FMO4: variants seen among roughly 807,000 people sequenced by gnomAD.
FMO4 encodes dimethylaniline monooxygenase [N-oxide-forming] 4.
In FMO4, 38 loss-of-function variants were observed where a neutral mutation model predicts 43.3. That is an observed-to-expected ratio of 0.88 (90% confidence interval 0.68 to 1.15). The LOEUF (loss-of-function observed/expected upper bound fraction) is 1.15, where lower values mean the gene tolerates loss of function less well. FMO4 is among the 50% of genes most tolerant of loss of function. The probability of loss-of-function intolerance (pLI) is 0.00; values close to 1 mark genes in which losing one functional copy is unlikely to be tolerated. For synonymous variants in FMO4, 224 were observed against 232.2 expected, an observed-to-expected ratio of 0.96 and a Z score of 0.32; for missense variants, 631 against 663.3, an observed-to-expected ratio of 0.95 and a Z score of 0.54.
chr1:171,331,767 T>C lies in FMO4; in HGVS notation c.612T>C (p.Ser204=), dbSNP rs555878454. ...GAGGAGACATTGCTGTGGAACTCAGTCGAACGGCAGCTCAGGTACATCATC... is the reference window on the plus strand; with the variant it reads ...GAGGAGACATTGCTGTGGAACTCAGCCGAACGGCAGCTCAGGTACATCATC... ...NTGGDIAVEL[S]RTAAQVLLST... The change falls in exon 6 of 10, where the codon AGT becomes AGC. Residue 204 remains serine (S), a synonymous_variant. Coordinates refer to ENST00000367749, the MANE Select transcript of FMO4 (RefSeq NM_002022.3). 29 of 1,613,870 alleles carry C rather than the reference T, an allele frequency of 1.8e-5. No homozygotes were observed. In the East Asian group the frequency reaches 2.7e-4, roughly 15 times the overall value.
rs960209641 is a variant in FMO4, at chr1:171,323,212, G to A, written c.321+20G>A. The A allele has an allele frequency of 1.0e-5, 16 of 1,553,180 alleles. No individual in the cohort carries two copies. The African/African-American group carries it at 2.0e-4, about 20-fold the overall frequency. On this transcript the variant is annotated intron_variant, in intron 4 of 9. Coordinates refer to ENST00000367749, the MANE Select transcript of FMO4 (RefSeq NM_002022.3). ...TTTAAGGTAAGATACTTTGGGTTAT[G>A]GAAGATGAATAGATGGGGGCTGGCC... is the stretch of plus-strand genomic sequence containing the variant.
intron 4 of FMO4, among the ~76,000 whole-genome samples, chr1:171,323,444 A>T (rs989951927): frequency 1.3e-5 from 2 of 152,146 alleles, no homozygotes; most frequent in African/African-American, 4.8e-5. Flanking sequence ...CAGGCAGATC[A>T]CTTGAGGTCA....
chr1:171,315,505 G>A (rs1225848230), intron 1 of FMO4, among the ~76,000 whole-genome samples: 4 of 151,760 alleles, frequency 2.6e-5, no homozygotes, highest in African/African-American at 9.7e-5. Context: ...AGGAAACAAA[G>A]AGAAAGCCAC....
chr1:171,318,980 G>C (rs995028359), intron 2 of FMO4, among the ~76,000 whole-genome samples: 1 of 152,186 alleles, frequency 6.6e-6, no homozygotes, highest in Admixed American at 6.5e-5. Context: ...GTAGGATCTA[G>C]AGGTGTCATA....
intron 7 of FMO4, 94 bp from the exon 8 acceptor site, chr1:171,334,316 TG>T: frequency 1.4e-6 from 1 of 709,828 alleles, no homozygotes; most frequent in Non-Finnish European, 2.3e-6. Context: ...TTCCTTAGCT[TG>T]GCAGGTAATT....
At position 171,332,748 on chromosome 1, in the gene FMO4, C is replaced by T. The variant is rs147680748; in HGVS notation, c.667C>T (p.Arg223Cys). 1.1e-5 allele frequency: 17 copies of T among 1,610,272 alleles called. No individual in the cohort carries two copies. Among genetic ancestry groups the T allele is most frequent in the South Asian group, 3.3e-5 (3 of 91,004 alleles). The change falls in exon 7 of 10, where the codon CGC becomes TGC. Residue 223 changes from arginine to cysteine, a missense_variant. Coordinates refer to ENST00000367749, the MANE Select transcript of FMO4 (RefSeq NM_002022.3). ...STRTGTWVLG[R>C]SSDWGYPYNM... ...TAGAACTGGTACCTGGGTTCTTGGG[C>T]GCTCTTCAGATTGGGGCTATCCTTA... is the stretch of plus-strand genomic sequence containing the variant.
chr1:171,322,274 A>C (rs1215253567), intron 3 of FMO4, among the ~76,000 whole-genome samples: 1 of 152,186 alleles, frequency 6.6e-6, no homozygotes, highest in Admixed American at 6.5e-5. Flanking sequence ...AATGAGAAAA[A>C]TTAGTAAGGT....
At position 171,331,739 on chromosome 1, in the gene FMO4, C is replaced by T. The variant is rs201591723; in HGVS notation, c.584C>T (p.Thr195Ile). 1.1e-5 allele frequency: 18 copies of T among 1,613,882 alleles called. No individual in the cohort carries two copies. The East Asian group carries it at 3.6e-4, about 32-fold the overall frequency. ...GTCTTGGTGATTGGTCTTGGGAACACTGGAGGAGACATTGCTGTGGAACTC... is the reference window on the plus strand; with the variant it reads ...GTCTTGGTGATTGGTCTTGGGAACATTGGAGGAGACATTGCTGTGGAACTC... ...KRVLVIGLGN[T>I]GGDIAVELSR... is the part of the protein sequence containing the mutation. Residue 195 changes from threonine to isoleucine, a missense_variant, in exon 6 of 10, where the codon ACT (threonine) becomes ATT (isoleucine). Coordinates refer to ENST00000367749, the MANE Select transcript of FMO4 (RefSeq NM_002022.3).
At chr1:171,337,268 A>G in intron 8 of FMO4, 88 bp from the exon 9 acceptor site, 2 of 840,500 alleles carry the variant, frequency 2.4e-6, no homozygotes, top group Non-Finnish European at 4.2e-6. Flanking sequence ...AAGTTAGAGC[A>G]GTGGGAGGCT....
intron 2 of FMO4, among the ~76,000 whole-genome samples, chr1:171,318,454 C>T (rs1329907352): frequency 6.6e-6 from 1 of 151,996 alleles, no homozygotes; most frequent in Non-Finnish European, 1.5e-5. Context: ...AGTTCAAGAA[C>T]AGCCTGGGCA....
intron 9 of FMO4, among the ~76,000 whole-genome samples, chr1:171,340,513 C>T (rs1305537539): frequency 1.3e-5 from 2 of 152,118 alleles, no homozygotes; most frequent in South Asian, 4.1e-4. Context: ...TTGAAGCAGT[C>T]GTCGCTTTGG....
At chr1:171,333,751 G>C (rs947003337) in intron 7 of FMO4, among the ~76,000 whole-genome samples, 1 of 152,100 alleles carries the variant, frequency 6.6e-6, no homozygotes, top group African/African-American at 2.4e-5. Flanking sequence ...AGGATGATTT[G>C]ATATGTAAAT....
intron 5 of FMO4, 109 bp from the exon 6 acceptor site, chr1:171,331,531 A>C: frequency 2.0e-6 from 2 of 983,798 alleles, no homozygotes; most frequent in Non-Finnish European, 3.1e-6. Flanking sequence ...GCATAAGCAA[A>C]GGACTGCCAT....
chr1:171,338,881 A>C (rs950156231), intron 9 of FMO4, among the ~76,000 whole-genome samples: 1 of 152,198 alleles, frequency 6.6e-6, no homozygotes, highest in African/African-American at 2.4e-5. Flanking sequence ...CAGCACCTAC[A>C]ATGGTGCCTG....
intron 2 of FMO4, among the ~76,000 whole-genome samples, chr1:171,317,001 AG>A (rs1485197402): frequency 6.6e-6 from 1 of 152,164 alleles, no homozygotes; most frequent in African/African-American, 2.4e-5. Context: ...CCCATCCCAA[AG>A]GTGCAGCAGC....
intron 9 of FMO4, 112 bp downstream of exon 9, chr1:171,337,537 C>A (rs1571413338): frequency 1.3e-6 from 1 of 743,986 alleles, no homozygotes; most frequent in Non-Finnish European, 2.3e-6. Flanking sequence ...TTGGAAATAA[C>A]TCTGCATTAG....
chr1:171,324,362 T>G, intron 5 of FMO4, 62 bp downstream of exon 5: 1 of 1,346,546 alleles, frequency 7.4e-7, no homozygotes, highest in South Asian at 1.5e-5. Context: ...GTAAACTTAT[T>G]GATTTGCAGT....
intron 7 of FMO4, 32 bp downstream of exon 7, chr1:171,332,940 A>G: frequency 1.1e-6 from 1 of 944,578 alleles, no homozygotes; most frequent in Non-Finnish European, 1.7e-6. Context: ...TAGAAAAAAT[A>G]TTAAATCAAT....
chr1:171,336,961 GCACACACACA>G (rs35512975), intron 8 of FMO4, among the ~76,000 whole-genome samples: 1 of 147,028 alleles, frequency 6.8e-6, no homozygotes, highest in Non-Finnish European at 1.5e-5. Context: ...ACACAAACAT[GCACACACACA>G]CACACACACA....
Sources: gnomAD v4.1 joint callset for allele counts (sites outside exome capture counted in the v4.1 genomes callset) on GRCh38, gnomAD v4.1.1 for gene constraint, MANE v1.5 for transcripts, NCBI Gene and HGNC (gene_info 2026-07-23, HGNC 2026-07-21) for gene names.